The following PTPRQ variants were observed in gnomAD, a reference collection of about 807,000 sequenced individuals.
PTPRQ encodes phosphatidylinositol phosphatase PTPRQ.
PTPRQ carries 199 observed loss-of-function variants against 246.0 expected under a neutral mutation model. The ratio of observed to expected loss-of-function variants is 0.81; its 90% CI spans 0.72 to 0.91. The LOEUF is 0.91. PTPRQ is among the 40% of genes least tolerant of loss of function. PTPRQ has a pLI of 0.00. For synonymous variants in PTPRQ, 869 were observed against 853.2 expected, an observed-to-expected ratio of 1.02 and a Z score of -0.32; for missense variants, 2,624 against 2,528.4, an observed-to-expected ratio of 1.04 and a Z score of -0.81.
intron 35 of PTPRQ, among the ~76,000 whole-genome samples, chr12:80,646,590 G>C (rs1389312917): frequency 1.3e-5 from 2 of 152,174 alleles, no homozygotes; most frequent in Non-Finnish European, 2.9e-5. Context: ...GGATGCAGGA[G>C]ACACTCGAGG....
intron 3 of PTPRQ, among the ~76,000 whole-genome samples, chr12:80,453,367 G>C (rs1422927328): frequency 6.6e-6 from 1 of 152,144 alleles, no homozygotes. Context: ...CTCTCAACTC[G>C]TGAAAGTCAT....
intron 24 of PTPRQ, chr12:80,547,040 T>G (rs1336747734): frequency 5.6e-6 from 1 of 177,334 alleles, no homozygotes; most frequent in East Asian, 1.6e-4. Flanking sequence ...AGCAGTCACT[T>G]TTAACGGGCT....
rs921439326 is a variant in PTPRQ, at chr12:80,670,211, A to C, written c.6454-133A>C. Reference sequence around the variant, plus strand: ...ATAAAAATCTCTCTTATAGGAAATAATGAAAACATTTTATTTGGTTTGGTA... The same window carrying C: ...ATAAAAATCTCTCTTATAGGAAATACTGAAAACATTTTATTTGGTTTGGTA... On this transcript the variant is annotated intron_variant, in intron 41 of 44. Transcript: ENST00000644991. The C allele has an allele frequency of 3.1e-6, 4 of 1,308,046 alleles. No individual in the cohort carries two copies. In the Admixed American group the frequency reaches 8.6e-5, roughly 28 times the overall value. 81.0% of individuals were successfully genotyped at this position (1,308,046 alleles called of 1,614,324 possible).
chr12:80,586,997 G>C (rs949807859), intron 25 of PTPRQ, among the ~76,000 whole-genome samples: 1 of 152,092 alleles, frequency 6.6e-6, no homozygotes, highest in African/African-American at 2.4e-5. Flanking sequence ...TCCGTGGAAG[G>C]TCTGGGAGCC....
chr12:80,587,629 G>T (rs1315143984), intron 25 of PTPRQ, among the ~76,000 whole-genome samples: 1 of 151,996 alleles, frequency 6.6e-6, no homozygotes, highest in Non-Finnish European at 1.5e-5. Flanking sequence ...AAAAATAGAT[G>T]AATTATATAC....
At chr12:80,638,172 G>C (rs1170060794) in intron 35 of PTPRQ, among the ~76,000 whole-genome samples, 1 of 151,746 alleles carries the variant, frequency 6.6e-6, no homozygotes, top group Non-Finnish European at 1.5e-5. Flanking sequence ...GGAGGCTGAG[G>C]CAGGAGAATC....
intron 27 of PTPRQ, among the ~76,000 whole-genome samples, chr12:80,608,104 AG>A (rs1410540034): frequency 1.3e-5 from 2 of 150,740 alleles, no homozygotes; most frequent in Non-Finnish European, 3.0e-5. Flanking sequence ...ACGAATGAAT[AG>A]GGGTACACAA....
intron 29 of PTPRQ, among the ~76,000 whole-genome samples, chr12:80,614,624 T>G (rs1662241026): frequency 6.6e-6 from 1 of 150,828 alleles, no homozygotes; most frequent in African/African-American, 2.4e-5. Flanking sequence ...AAATAAATCT[T>G]TTGGGGATTC....
At chr12:80,550,768 G>C (rs915157513) in intron 25 of PTPRQ, among the ~76,000 whole-genome samples, 2 of 152,106 alleles carry the variant, frequency 1.3e-5, no homozygotes, top group South Asian at 2.1e-4. Flanking sequence ...TGTCCCAGCT[G>C]CTCCAAAATT....
intron 8 of PTPRQ, among the ~76,000 whole-genome samples, chr12:80,478,869 G>C (rs1200055566): frequency 6.6e-6 from 1 of 152,194 alleles, no homozygotes; most frequent in Non-Finnish European, 1.5e-5. Flanking sequence ...AGAAATATGG[G>C]ACTATGTGAA....
chr12:80,601,400 A>T (rs1486900078), intron 26 of PTPRQ, among the ~76,000 whole-genome samples: 1 of 151,818 alleles, frequency 6.6e-6, no homozygotes, highest in Non-Finnish European at 1.5e-5. Flanking sequence ...TTATGGATGG[A>T]TCCAAAGCTA....
At chr12:80,571,259 C>A (rs528268029) in intron 25 of PTPRQ, among the ~76,000 whole-genome samples, 3 of 152,156 alleles carry the variant, frequency 2.0e-5, no homozygotes, top group African/African-American at 7.2e-5. Flanking sequence ...ATTCTCCTGC[C>A]TCAGCCTCCT....
Position 80,605,099 on chromosome 12 carries a change from A to T in PTPRQ, c.4650A>T (p.Thr1550=), listed in dbSNP as rs1331059543. 3.2e-6 allele frequency: 5 copies of T among 1,545,508 alleles called. No individual in the cohort carries two copies. Among genetic ancestry groups the T allele is most frequent in the Middle Eastern group, 1.7e-4 (1 of 5,956 alleles). The change falls in exon 27 of 45, where the codon ACA becomes ACT. Residue 1550 remains threonine (T), a synonymous_variant. Transcript: ENST00000644991. ...CTGAAAATGTTCATGTAGTAGCAAC[A>T]TCACCTTTTAGCATCAGCATAAGCT... The part of the protein sequence containing the change: ...GPPENVHVVA[T]SPFSISISWS...
chr12:80,610,304 G>T, intron 27 of PTPRQ, 135 bp from the exon 28 acceptor site: 3 of 645,410 alleles, frequency 4.6e-6, no homozygotes, highest in Non-Finnish European at 4.5e-6. Flanking sequence ...AGATTTCCCA[G>T]AGCAATCTGA....
chr12:80,675,415 A>G (rs1901103915), intron 43 of PTPRQ, among the ~76,000 whole-genome samples: 1 of 152,178 alleles, frequency 6.6e-6, no homozygotes, highest in African/African-American at 2.4e-5. Flanking sequence ...TTAAAATTCA[A>G]TTTCCTTCTC....
intron 25 of PTPRQ, among the ~76,000 whole-genome samples, chr12:80,557,509 T>C (rs1006707414): frequency 9.4e-5 from 14 of 149,576 alleles, no homozygotes; most frequent in East Asian, 5.9e-4. Flanking sequence ...CCAAGAAGAG[T>C]GATAGGCATA....
chr12:80,535,721 C>T (rs73149094), intron 19 of PTPRQ, among the ~76,000 whole-genome samples: 7,380 of 152,194 alleles, frequency 0.048, 221 homozygotes, highest in African/African-American at 0.073. Flanking sequence ...TATATTATTT[C>T]TTCAAATTAG....
intron 25 of PTPRQ, among the ~76,000 whole-genome samples, chr12:80,566,669 A>C (rs975485351): frequency 3.2e-4 from 48 of 151,906 alleles, no homozygotes; most frequent in African/African-American, 1.1e-3. Context: ...TCTCCCGAGT[A>C]GCTGGGACTA....
intron 6 of PTPRQ, chr12:80,462,775 A>C (rs1345581416): frequency 6.9e-6 from 1 of 145,578 alleles, no homozygotes; most frequent in East Asian, 2.0e-4. Context: ...GTAGACCTCT[A>C]GCAAACTCCA....
Sources: allele counts gnomAD v4.1 joint callset (sites outside exome capture counted in the v4.1 genomes callset), GRCh38; gene constraint gnomAD v4.1.1; transcripts MANE v1.5; gene names NCBI Gene and HGNC (gene_info 2026-07-23, HGNC 2026-07-21).